Variants in COLEC12 observed in about 807,000 individuals in gnomAD.
COLEC12 encodes the protein collectin-12.
In COLEC12, 33 loss-of-function variants were observed where a neutral mutation model predicts 71.1. That is an observed-to-expected ratio of 0.46 (90% confidence interval 0.35 to 0.62). COLEC12 has a LOEUF of 0.62. COLEC12 is among the 20% of genes least tolerant of loss of function. The pLI is 0.00. For missense variants in COLEC12, 765 were observed against 916.1 expected (o/e 0.84, Z 2.13); for synonymous variants, 350 against 353.0 (o/e 0.99, Z 0.10).
intron 2 of COLEC12, among the ~76,000 whole-genome samples, chr18:466,952 CA>C (rs1021513669): frequency 6.6e-6 from 1 of 152,082 alleles, no homozygotes; most frequent in Non-Finnish European, 1.5e-5. Flanking sequence ...TCAGGAACTC[CA>C]AAATCTTCAG....
intron 1 of COLEC12, among the ~76,000 whole-genome samples, chr18:490,190 A>G (rs1037959297): frequency 6.6e-6 from 1 of 152,214 alleles, no homozygotes; most frequent in Admixed American, 6.5e-5. Context: ...ACCTGGAGAG[A>G]GAGAATCACT....
At chr18:393,201 A>G (rs914503829) in intron 2 of COLEC12, among the ~76,000 whole-genome samples, 8 of 152,248 alleles carry the variant, frequency 5.3e-5, no homozygotes, top group Non-Finnish European at 8.8e-5. Context: ...TACAAGAAAC[A>G]GTCTTATAAA....
At chr18:479,552 ACACACACACAGAAACG>A (rs796528206) in intron 2 of COLEC12, among the ~76,000 whole-genome samples, 26 of 143,158 alleles carry the variant, frequency 1.8e-4, no homozygotes, top group African/African-American at 3.2e-4. Flanking sequence ...TCTCTCTCTC[ACACACACACAGAAACG>A]CACACACACA....
chr18:384,471 G>C (rs762857559), intron 2 of COLEC12, among the ~76,000 whole-genome samples: 3 of 152,174 alleles, frequency 2.0e-5, no homozygotes, highest in Non-Finnish European at 2.9e-5. Flanking sequence ...GGACTGCCAC[G>C]TGTAAGAGGA....
intron 2 of COLEC12, among the ~76,000 whole-genome samples, chr18:410,789 A>C (rs1407192769): frequency 7.2e-6 from 1 of 139,172 alleles, no homozygotes; most frequent in Non-Finnish European, 1.5e-5. Context: ...GAGCACAGAC[A>C]AAAAAAAAAT....
chr18:450,610 C>T (rs1916742182), intron 2 of COLEC12, among the ~76,000 whole-genome samples: 1 of 152,182 alleles, frequency 6.6e-6, no homozygotes, highest in South Asian at 2.1e-4. Flanking sequence ...TTATAAATTA[C>T]CTAGTCTCAG....
intron 2 of COLEC12, among the ~76,000 whole-genome samples, chr18:455,766 TGTTA>T (rs1916858985): frequency 1.3e-5 from 2 of 151,996 alleles, no homozygotes; most frequent in South Asian, 4.2e-4. Flanking sequence ...TCTGTTCCTG[TGTTA>T]GTTTGCTGAG....
At chr18:365,801 C>T (rs1361868436) in intron 2 of COLEC12, among the ~76,000 whole-genome samples, 2 of 152,224 alleles carry the variant, frequency 1.3e-5, no homozygotes, top group Non-Finnish European at 2.9e-5. Context: ...TGCTCCCGCA[C>T]CCTCTGACCA....
intron 5 of COLEC12, among the ~76,000 whole-genome samples, chr18:345,575 G>A (rs1381683303): frequency 6.6e-6 from 1 of 152,118 alleles, no homozygotes; most frequent in Non-Finnish European, 1.5e-5. Context: ...TGTGACCTCT[G>A]TGTTACTGTG....
chr18:439,183 A>G (rs1916464285), intron 2 of COLEC12, among the ~76,000 whole-genome samples: 1 of 152,226 alleles, frequency 6.6e-6, no homozygotes, highest in East Asian at 1.9e-4. Flanking sequence ...ACAATGGTAT[A>G]TTCCTCACTG....
At chr18:423,435 CTTTTT>C (rs549742527) in intron 2 of COLEC12, among the ~76,000 whole-genome samples, 133 of 151,982 alleles carry the variant, frequency 8.8e-4, no homozygotes, top group Admixed American at 1.2e-3. Flanking sequence ...TCTTCTTCTT[CTTTTT>C]TTTAACAAAA....
At chr18:341,273 T>C (rs1305585654) in intron 5 of COLEC12, among the ~76,000 whole-genome samples, 1 of 152,222 alleles carries the variant, frequency 6.6e-6, no homozygotes, top group Non-Finnish European at 1.5e-5. Context: ...CATTTACTAG[T>C]TGTTTGGCCT....
At chr18:479,245 C>G (rs189850932) in intron 2 of COLEC12, among the ~76,000 whole-genome samples, 1 of 152,140 alleles carries the variant, frequency 6.6e-6, no homozygotes, top group Non-Finnish European at 1.5e-5. Flanking sequence ...ATCGCAGAAA[C>G]ATGGAATCGT....
intron 2 of COLEC12, among the ~76,000 whole-genome samples, chr18:415,679 G>C (rs1354747514): frequency 6.6e-6 from 1 of 152,076 alleles, no homozygotes; most frequent in East Asian, 1.9e-4. Flanking sequence ...ATGACTTCAT[G>C]ACTTCTAAGA....
rs73356533 is a variant in COLEC12 at position 375,797 on chromosome 18, C to T, written c.59-18275G>A. 6.8e-3 allele frequency among the ~76,000 whole-genome samples: 1,029 copies of T among 152,294 alleles called. 12 individuals carry two copies. The highest frequency in any genetic ancestry group is 0.021 in the African/African-American group (887 of 41,556). On this transcript the variant is annotated intron_variant, in intron 2 of 9. Transcript: ENST00000400256. ...GTTGGTTGAACTGCCCATTGTCTCC[C>T]CAGAGGCTAGAAGATGGTTAGAACA...
chr18:395,670 C>G (rs1295534805), intron 2 of COLEC12, among the ~76,000 whole-genome samples: 2 of 152,114 alleles, frequency 1.3e-5, no homozygotes, highest in African/African-American at 4.8e-5. Flanking sequence ...AACCAGAGCA[C>G]GTTTACATTT....
At chr18:323,435 A>G (rs1913763417) in intron 8 of COLEC12, among the ~76,000 whole-genome samples, 1 of 152,236 alleles carries the variant, frequency 6.6e-6, no homozygotes, top group Non-Finnish European at 1.5e-5. Flanking sequence ...ATGGCAACAT[A>G]GCAGTGCAGA....
In COLEC12 at chr18:346,619, G is replaced by A. The variant is rs765394463; in HGVS notation, c.1003C>T (p.Arg335Cys). 117 of 1,614,156 alleles carry A rather than the reference G, an allele frequency of 7.2e-5. No individual in the cohort carries two copies. The highest frequency in any genetic ancestry group is 8.9e-5 in the East Asian group (4 of 44,890). Residue 335 changes from arginine (R) to cysteine (C), a missense_variant, in exon 5 of 10, where the codon CGC (arginine) becomes TGC (cysteine). Coordinates refer to ENST00000400256, the MANE Select transcript of COLEC12 (RefSeq NM_130386.3). This position sits in a 1 kb window ranked among gnomAD's most constrained non-coding sequence, Gnocchi z 4.0. ...TAIKFNQLEE[R>C]FQLFETDIVN... ...ATATCCGTCTCAAAGAGCTGGAAGC[G>A]TTCCTCCAGTTGGTTGAACTTGATG...
intron 8 of COLEC12, among the ~76,000 whole-genome samples, chr18:329,744 T>A (rs1913929577): frequency 6.6e-6 from 1 of 152,210 alleles, no homozygotes; most frequent in African/African-American, 2.4e-5. Context: ...AATCTTCTAA[T>A]GTTCCAAATC....
Sources: gnomAD v4.1 joint callset for allele counts (sites outside exome capture counted in the v4.1 genomes callset) on GRCh38, gnomAD v4.1.1 for gene constraint, Gnocchi (gnomAD v3.1) non-coding constraint, MANE v1.5 for transcripts, NCBI Gene and HGNC (gene_info 2026-07-23, HGNC 2026-07-21) for gene names.